GPC4: variants seen among roughly 807,000 people sequenced by gnomAD.
The protein encoded by GPC4 is glypican-4.
In GPC4, 10 loss-of-function variants were observed where a neutral mutation model predicts 35.0. The ratio of observed to expected loss-of-function variants is 0.29; its 90% CI spans 0.18 to 0.48. The LOEUF (loss-of-function observed/expected upper bound fraction) is 0.48. Among genes scored for constraint, GPC4 ranks in the 20% least tolerant of loss-of-function variants. GPC4 has a pLI of 0.99. For synonymous variants in GPC4, 167 were observed against 170.2 expected, an observed-to-expected ratio of 0.98 and a Z score of 0.15; for missense variants, 322 against 451.3, an observed-to-expected ratio of 0.71 and a Z score of 2.60.
chrX:133,375,549 T>C (rs2068629591), intron 1 of GPC4, among the ~76,000 whole-genome samples: 1 of 112,037 alleles, frequency 8.9e-6, no homozygotes. Context: ...CTTAACAATA[T>C]TAAACAAGCA....
chrX:133,350,021 C>T (rs10126402), intron 1 of GPC4, among the ~76,000 whole-genome samples: 3,690 of 111,237 alleles, frequency 0.033, 171 homozygotes, highest in African/African-American at 0.11. Flanking sequence ...TTCTCTTAAC[C>T]CTCCTTTTCA....
chrX:133,399,217 C>G (rs893669564), intron 1 of GPC4, among the ~76,000 whole-genome samples: 3 of 111,980 alleles, frequency 2.7e-5, no homozygotes, highest in Non-Finnish European at 5.6e-5. Flanking sequence ...CGGACTCAGA[C>G]CTTTCATAAA....
chrX:133,383,621 G>A (rs2068673708), intron 1 of GPC4, among the ~76,000 whole-genome samples: 1 of 111,111 alleles, frequency 9.0e-6, no homozygotes, highest in South Asian at 3.9e-4. Context: ...GGAGGCAGGC[G>A]GATCTCTTGA....
intron 1 of GPC4, among the ~76,000 whole-genome samples, chrX:133,349,764 G>C (rs1244450066): frequency 9.0e-6 from 1 of 111,030 alleles, no homozygotes; most frequent in Non-Finnish European, 1.9e-5. Flanking sequence ...GGGACTACAG[G>C]GATGTGATAC....
intron 1 of GPC4, among the ~76,000 whole-genome samples, chrX:133,369,428 G>A (rs1196562755): frequency 8.9e-6 from 1 of 111,918 alleles, no homozygotes; most frequent in African/African-American, 3.2e-5. Context: ...TAGACAGTGT[G>A]AGTTAAGCAA....
intron 3 of GPC4, among the ~76,000 whole-genome samples, chrX:133,318,099 A>G (rs758595029): frequency 4.5e-5 from 5 of 111,467 alleles, no homozygotes; most frequent in African/African-American, 6.5e-5. Flanking sequence ...TGTAAACTCA[A>G]TGTATTCAAT....
At chrX:133,403,050 C>G (rs1040676298) in intron 1 of GPC4, among the ~76,000 whole-genome samples, 2 of 111,378 alleles carry the variant, frequency 1.8e-5, no homozygotes, top group African/African-American at 6.5e-5. Context: ...AAATACTAAG[C>G]GCCCACCTCC....
At chrX:133,394,491 G>A (rs1241031778) in intron 1 of GPC4, among the ~76,000 whole-genome samples, 5 of 110,542 alleles carry the variant, frequency 4.5e-5, no homozygotes. Flanking sequence ...ATCAGGGCAA[G>A]GAGAAAAGAG....
chrX:133,390,262 T>A (rs138956403), intron 1 of GPC4, among the ~76,000 whole-genome samples: 1 of 111,810 alleles, frequency 8.9e-6, no homozygotes, highest in East Asian at 2.8e-4. Flanking sequence ...TGCCTCCCTT[T>A]CCTCCTCTCA....
chrX:133,355,407 T>C (rs1425665075), intron 1 of GPC4, among the ~76,000 whole-genome samples: 1 of 112,088 alleles, frequency 8.9e-6, no homozygotes, highest in Non-Finnish European at 1.9e-5. Context: ...TAAAAAAGCA[T>C]TGTTTCGTTA....
Position 133,385,351 on chromosome X carries a change from G to T in GPC4, c.160+29455C>A, listed in dbSNP as rs149618576. On this transcript the variant is annotated intron_variant, in intron 1 of 8. Coordinates refer to ENST00000370828, the MANE Select transcript of GPC4 (RefSeq NM_001448.3). ...GTTCATGATCTACATGGTCTTAGAAGAAATGTAAGAAACACCGAAGAATTC... is the reference window on the plus strand; with the variant it reads ...GTTCATGATCTACATGGTCTTAGAATAAATGTAAGAAACACCGAAGAATTC... 7.9e-3 allele frequency among the ~76,000 whole-genome samples: 891 copies of T among 112,120 alleles called. 31 individuals carry two copies. Among genetic ancestry groups the T allele is most frequent in the Admixed American group, 0.076 (803 of 10,506 alleles).
At chrX:133,388,201 G>C (rs1311615423) in intron 1 of GPC4, among the ~76,000 whole-genome samples, 2 of 112,120 alleles carry the variant, frequency 1.8e-5, no homozygotes, top group Non-Finnish European at 1.9e-5. Context: ...ACGGTGAAAA[G>C]ACCCTTTACG....
At position 133,324,973 on chromosome X, in the gene GPC4, G is replaced by A. The variant is rs2068384659; in HGVS notation, c.320-437C>T. On this transcript the variant is annotated intron_variant, in intron 2 of 8. Transcript: ENST00000370828. Reference sequence around the variant, plus strand: ...ACCATGCCTTCTAATTGTAACCTAAGAGCAGGACAGGTGTTTTCAAAAGTC... The same window carrying A: ...ACCATGCCTTCTAATTGTAACCTAAAAGCAGGACAGGTGTTTTCAAAAGTC... 1.8e-5 allele frequency among the ~76,000 whole-genome samples: 2 copies of A among 111,680 alleles called. 1 individual carries two copies. Among genetic ancestry groups the A allele is most frequent in the Admixed American group, 1.9e-4 (2 of 10,467 alleles).
intron 1 of GPC4, among the ~76,000 whole-genome samples, chrX:133,388,603 C>T (rs1448039007): frequency 9.3e-6 from 1 of 107,050 alleles, no homozygotes; most frequent in Non-Finnish European, 1.9e-5. Context: ...GGTATGATCT[C>T]GGCTCACGGC....
chrX:133,401,078 C>T (rs1480876531), intron 1 of GPC4, among the ~76,000 whole-genome samples: 1 of 111,141 alleles, frequency 9.0e-6, no homozygotes, highest in Non-Finnish European at 1.9e-5. Context: ...GGCCCCTGAA[C>T]GTGCCTGGTG....
chrX:133,414,022 T>C (rs1194766402), intron 1 of GPC4, among the ~76,000 whole-genome samples: 1 of 111,256 alleles, frequency 9.0e-6, no homozygotes, highest in Non-Finnish European at 1.9e-5. Context: ...ATCAGTCCTT[T>C]CAAAGGTCTG....
chrX:133,336,212 T>G (rs965042321), intron 2 of GPC4, among the ~76,000 whole-genome samples: 2 of 111,946 alleles, frequency 1.8e-5, no homozygotes, highest in Admixed American at 9.5e-5. Context: ...TGAGAATTAC[T>G]GGCAAGTCCT....
At position 133,365,279 on chromosome X, in the gene GPC4, G is replaced by A. The variant is rs1042374765; in HGVS notation, c.161-25938C>T. Among the ~76,000 whole-genome samples, 8 of 111,435 alleles carry A rather than the reference G, an allele frequency of 7.2e-5. No individual in the cohort carries two copies. In the East Asian group the frequency reaches 1.1e-3, roughly 16 times the overall value. Reference sequence around the variant, plus strand: ...TCTTTTTATGACAATTTCATCAACCGTTCACCACTACAGTGTTTGCTTTGC... The same window carrying A: ...TCTTTTTATGACAATTTCATCAACCATTCACCACTACAGTGTTTGCTTTGC... On this transcript the variant is annotated intron_variant, in intron 1 of 8. Transcript: ENST00000370828.
chrX:133,380,770 C>CAA (rs1021454634), intron 1 of GPC4, among the ~76,000 whole-genome samples: 3 of 111,848 alleles, frequency 2.7e-5, no homozygotes, highest in African/African-American at 9.8e-5. Context: ...CCGTGAGAGG[C>CAA]AAATTGCACA....
Sources: gnomAD v4.1 joint callset for allele counts (sites outside exome capture counted in the v4.1 genomes callset) on GRCh38, gnomAD v4.1.1 for gene constraint, MANE v1.5 for transcripts, NCBI Gene and HGNC (gene_info 2026-07-23, HGNC 2026-07-21) for gene names.